The following ASTN2 variants were observed in gnomAD, a reference collection of about 807,000 sequenced individuals.
ASTN2 encodes the protein astrotactin 2.
ASTN2 carries 54 observed loss-of-function variants against 139.8 expected under a neutral mutation model. That is an observed-to-expected ratio of 0.39 (90% CI 0.31 to 0.48). The LOEUF (loss-of-function observed/expected upper bound fraction) is 0.48, where lower values mean the gene tolerates loss of function less well. Ranked by LOEUF, ASTN2 falls within the 20% of genes least tolerant of loss-of-function variation. The pLI, the probability that ASTN2 is intolerant of heterozygous loss-of-function variation, is 0.95. For synonymous variants in ASTN2, 756 were observed against 719.5 expected (o/e 1.05, Z -0.81); for missense variants, 1,565 against 1,725.1 (o/e 0.91, Z 1.64).
At chr9:116,464,577 T>C (rs548160066) in intron 20 of ASTN2, among the ~76,000 whole-genome samples, 2 of 152,302 alleles carry the variant, frequency 1.3e-5, no homozygotes, top group African/African-American at 4.8e-5. Context: ...TGGATGTTTG[T>C]GCTGAAGCAT....
chr9:117,129,559 C>A (rs1829781305), intron 4 of ASTN2, among the ~76,000 whole-genome samples: 1 of 151,968 alleles, frequency 6.6e-6, no homozygotes, highest in Non-Finnish European at 1.5e-5. Context: ...TATATATGTC[C>A]ATTTTATTAT....
At chr9:116,781,060 G>A (rs771432300) in intron 13 of ASTN2, among the ~76,000 whole-genome samples, 4 of 151,956 alleles carry the variant, frequency 2.6e-5, no homozygotes, top group Non-Finnish European at 5.9e-5. Context: ...GGCTGGTCTC[G>A]AACTCCTGAC....
At chr9:117,239,764 C>T (rs142254419) in intron 2 of ASTN2, among the ~76,000 whole-genome samples, 58 of 152,320 alleles carry the variant, frequency 3.8e-4, no homozygotes, top group Non-Finnish European at 7.2e-4. Flanking sequence ...AGCCCCATGA[C>T]TCCTAGATTG....
intron 2 of ASTN2, among the ~76,000 whole-genome samples, chr9:117,257,884 C>T (rs1046969756): frequency 3.3e-5 from 5 of 152,210 alleles, no homozygotes; most frequent in Non-Finnish European, 1.5e-5. Context: ...GGACAAAGGG[C>T]CAGCCTCAGT....
At chr9:117,133,872 A>G (rs10817997) in intron 4 of ASTN2, among the ~76,000 whole-genome samples, 19,017 of 152,094 alleles carry the variant, frequency 0.13, 1,446 homozygotes, top group Non-Finnish European at 0.17. Context: ...AAAAGCGCAT[A>G]GAGGTGGAGG....
At chr9:116,497,783 C>T (rs947046150) in intron 19 of ASTN2, among the ~76,000 whole-genome samples, 7 of 152,108 alleles carry the variant, frequency 4.6e-5, no homozygotes, top group African/African-American at 1.7e-4. Context: ...TCTTTAAGGA[C>T]CACAGTGTGA....
intron 4 of ASTN2, among the ~76,000 whole-genome samples, chr9:117,098,640 G>C (rs1435018762): frequency 6.6e-6 from 1 of 152,152 alleles, no homozygotes; most frequent in Non-Finnish European, 1.5e-5. Flanking sequence ...GATTCTGCCA[G>C]ATGCAGTTCT....
rs71379248 is a variant in ASTN2, at chr9:116,999,548, C to CT, written c.1591+8543dup. Among the ~76,000 whole-genome samples, 299 of 94,850 alleles carry CT rather than the reference C, an allele frequency of 3.2e-3. 26 individuals carry two copies. Among genetic ancestry groups the CT allele is most frequent in the South Asian group, 0.015 (28 of 1,834 alleles). 62.2% of individuals were successfully genotyped at this position (94,850 alleles called of 152,430 possible). A position where few individuals can be genotyped will look rare whatever the true frequency, so the allele number is the denominator to read the frequency against. ...TTCCTCTTTCTTTCTTTCTCTCTTTCTTTTTTTTTTTTTTTTTTTTTTTTT... is the reference window on the plus strand; with the variant it reads ...TTCCTCTTTCTTTCTTTCTCTCTTTCTTTTTTTTTTTTTTTTTTTTTTTTTT... On this transcript the variant is annotated intron_variant, in intron 7 of 22. Transcript: ENST00000313400.
rs541332846 is a variant in ASTN2, at chr9:117,350,377, C to T, written c.443-58864G>A. On this transcript the variant is annotated intron_variant, in intron 1 of 22. Coordinates refer to ENST00000313400, the MANE Select transcript of ASTN2 (RefSeq NM_001365068.1). ...CAGCCTGGCCAATATGGTAAAACCC[C>T]GTCTCTATTAAAAATACAAAAAATT... Among the ~76,000 whole-genome samples the T allele has an allele frequency of 4.6e-5, 7 of 151,912 alleles. No individual in the cohort carries two copies. In the South Asian group the frequency reaches 6.3e-4, roughly 14 times the overall value.
intron 19 of ASTN2, among the ~76,000 whole-genome samples, chr9:116,548,899 A>G (rs568779235): frequency 6.6e-6 from 1 of 152,326 alleles, no homozygotes; most frequent in East Asian, 1.9e-4. Flanking sequence ...GTAGGCAACC[A>G]GGGTCTAGAT....
chr9:116,710,568 C>T (rs1049784447), intron 16 of ASTN2, among the ~76,000 whole-genome samples: 1 of 151,662 alleles, frequency 6.6e-6, no homozygotes, highest in Non-Finnish European at 1.5e-5. Flanking sequence ...CCTGTCTCTA[C>T]TAAAAATACA....
At chr9:117,228,174 A>G (rs1019123264) in intron 2 of ASTN2, among the ~76,000 whole-genome samples, 3 of 151,078 alleles carry the variant, frequency 2.0e-5, no homozygotes, top group African/African-American at 7.3e-5. Flanking sequence ...TAAAAGAACT[A>G]TATATGTTAT....
At chr9:116,994,155 T>A (rs1448395441) in intron 7 of ASTN2, among the ~76,000 whole-genome samples, 2 of 152,072 alleles carry the variant, frequency 1.3e-5, no homozygotes, top group Admixed American at 6.6e-5. Flanking sequence ...AATTTTTCTG[T>A]AAAGAGCCAA....
chr9:117,325,503 C>A (rs572794228), intron 1 of ASTN2, among the ~76,000 whole-genome samples: 1 of 152,244 alleles, frequency 6.6e-6, no homozygotes, highest in South Asian at 2.1e-4. Context: ...TTGAAACCCC[C>A]CTCTCCTCCC....
intron 17 of ASTN2, among the ~76,000 whole-genome samples, chr9:116,624,347 T>C (rs937507772): frequency 6.6e-6 from 1 of 152,226 alleles, no homozygotes; most frequent in Admixed American, 6.5e-5. Flanking sequence ...CTTCATACCT[T>C]GTGCCTTCCA....
At chr9:117,245,657 C>T (rs1291213263) in intron 2 of ASTN2, among the ~76,000 whole-genome samples, 2 of 152,098 alleles carry the variant, frequency 1.3e-5, no homozygotes, top group East Asian at 3.9e-4. Context: ...GTGATTCAAT[C>T]ATGTCTCTTT....
chr9:117,281,843 C>G (rs1234026518), intron 2 of ASTN2, among the ~76,000 whole-genome samples: 2 of 152,154 alleles, frequency 1.3e-5, no homozygotes, highest in East Asian at 3.9e-4. Flanking sequence ...GCTGGGTGCC[C>G]CTGCCTCCAG....
intron 17 of ASTN2, among the ~76,000 whole-genome samples, chr9:116,642,149 A>AAAAAAAAAAAAAAAAAAAC (rs1322970983): frequency 1.3e-5 from 2 of 149,566 alleles, no homozygotes; most frequent in African/African-American, 4.9e-5. Flanking sequence ...AAAAAAACAA[A>AAAAAAAAAAAAAAAAAAAC]AAAAAACAGA....
rs190639951 is a variant in ASTN2 at position 116,728,448 on chromosome 9, C to T, written c.2626+544G>A. Among the ~76,000 whole-genome samples the T allele has an allele frequency of 8.9e-4, 136 of 152,148 alleles. 1 individual carries two copies. Among genetic ancestry groups the T allele is most frequent in the South Asian group, 6.9e-3 (33 of 4,812 alleles). On this transcript the variant is annotated intron_variant, in intron 15 of 22. Coordinates refer to ENST00000313400, the MANE Select transcript of ASTN2 (RefSeq NM_001365068.1). ...AGTCACTGTGGCATGAGAGAACATG[C>T]ACCATTTTGGGCACTATAAATTGTT...
Sources: allele counts gnomAD v4.1 joint callset (sites outside exome capture counted in the v4.1 genomes callset), GRCh38; gene constraint gnomAD v4.1.1; transcripts MANE v1.5; gene names NCBI Gene and HGNC (gene_info 2026-07-23, HGNC 2026-07-21).